PDS5B: variants seen among roughly 807,000 people sequenced by gnomAD.
The protein encoded by PDS5B is PDS5 cohesin associated factor B, also known as sister chromatid cohesion protein PDS5 homolog B.
PDS5B carries 51 observed loss-of-function variants against 184.1 expected under a neutral mutation model. That is an observed-to-expected ratio of 0.28 (90% CI 0.22 to 0.35). The LOEUF (loss-of-function observed/expected upper bound fraction) is 0.35, where lower values mean the gene tolerates loss of function less well. Ranked by LOEUF, PDS5B falls within the 10% of genes least tolerant of loss-of-function variation. The pLI, the probability that PDS5B is intolerant of heterozygous loss-of-function variation, is 1.00. For synonymous variants in PDS5B, 566 were observed against 569.2 expected, an observed-to-expected ratio of 0.99 and a Z score of 0.08; for missense variants, 1,180 against 1,723.3, an observed-to-expected ratio of 0.68 and a Z score of 5.58.
At position 32,694,290 on chromosome 13, in the gene PDS5B, A is replaced by G. The variant is rs1363503512; in HGVS notation, c.1537A>G (p.Ile513Val). ...TCAAGTAAAGGATTTGCTTGACTTG[A>G]TTAAGCAACCCAAAGTAAGTAAGAA... ...RHQVKDLLDL[I>V]KQPKTDASVK... The change falls in exon 14 of 35, where the codon ATT (isoleucine) becomes GTT (valine). Residue 513 changes from isoleucine to valine, a missense_variant. This residue lies in a region of PDS5B where 475 missense variants were observed against 691.5 expected (regional missense o/e 0.69). Coordinates refer to ENST00000315596, the MANE Select transcript of PDS5B (RefSeq NM_015032.4). 1 of 1,593,058 alleles carries G rather than the reference A, an allele frequency of 6.3e-7. No homozygotes were observed. Among genetic ancestry groups the G allele is most frequent in the Non-Finnish European group, 8.5e-7 (1 of 1,170,454 alleles).
chr13:32,751,055 T>C (rs972831970), intron 24 of PDS5B, among the ~76,000 whole-genome samples: 5 of 152,178 alleles, frequency 3.3e-5, no homozygotes, highest in South Asian at 4.1e-4. Context: ...AAGAAGGCTT[T>C]GGTGTCTGTT....
intron 25 of PDS5B, 116 bp from the exon 26 acceptor site, chr13:32,755,723 TATA>T (rs1355536316): frequency 1.8e-6 from 1 of 551,058 alleles, no homozygotes; most frequent in African/African-American, 1.9e-5. Flanking sequence ...ATGCAGAAAA[TATA>T]GTACGAAAGA....
At chr13:32,686,847 A>G (rs966945285) in intron 11 of PDS5B, among the ~76,000 whole-genome samples, 2 of 152,162 alleles carry the variant, frequency 1.3e-5, no homozygotes, top group Admixed American at 1.3e-4. Flanking sequence ...CAGTATGTAG[A>G]GTATGATTAG....
At chr13:32,689,665 C>T (rs1444395352) in intron 13 of PDS5B, 2 of 152,172 alleles carry the variant, frequency 1.3e-5, no homozygotes, top group East Asian at 1.9e-4. Context: ...AGCCAGGATT[C>T]GCACTCAATC....
chr13:32,644,683 G>A (rs1286083328), intron 1 of PDS5B, among the ~76,000 whole-genome samples: 1 of 152,024 alleles, frequency 6.6e-6, no homozygotes, highest in South Asian at 2.1e-4. Flanking sequence ...GGTGTTTATA[G>A]CATCCTACTT....
chr13:32,721,270 GC>G (rs912585021), intron 19 of PDS5B, among the ~76,000 whole-genome samples: 2 of 148,142 alleles, frequency 1.4e-5, no homozygotes, highest in Admixed American at 1.3e-4. Flanking sequence ...GGGCGGGGGC[GC>G]CCCCCACCTC....
chr13:32,650,092 T>A (rs971062422), intron 2 of PDS5B: 3 of 152,154 alleles, frequency 2.0e-5, no homozygotes, highest in African/African-American at 4.8e-5. Flanking sequence ...CTTTTAGAGA[T>A]GTTATTTTCT....
chr13:32,652,262 A>G (rs1950384562), intron 3 of PDS5B: 1 of 313,214 alleles, frequency 3.2e-6, no homozygotes, highest in Admixed American at 4.5e-5. Flanking sequence ...TGTTTCTTTC[A>G]TTATAATTTT....
chr13:32,616,300 C>T (rs898767448), intron 1 of PDS5B, among the ~76,000 whole-genome samples: 4 of 152,154 alleles, frequency 2.6e-5, no homozygotes, highest in African/African-American at 9.7e-5. Context: ...GGTGATCCAC[C>T]CGCCTTGGCC....
chr13:32,654,225 C>T lies in PDS5B; in HGVS notation c.312+2218C>T, dbSNP rs545277580. On this transcript the variant is annotated intron_variant, in intron 3 of 34. Transcript: ENST00000315596. ...ACTTCGTCTTGATTAGCGGCAAATT[C>T]GTATATCTGTATGTCTATATATTTT... is the stretch of plus-strand genomic sequence containing the variant. Among the ~76,000 whole-genome samples the T allele has an allele frequency of 2.0e-5, 3 of 152,200 alleles. No individual in the cohort carries two copies. The South Asian group carries it at 6.2e-4, about 32-fold the overall frequency.
Position 32,597,283 on chromosome 13 carries a change from T to G in PDS5B, c.-20+10690T>G, listed in dbSNP as rs907587174. ...GTGTTGAACTCCTAGGCTCAAGTGATCTTCCTGCCTCAGCCTCCCAAAGTG... is the reference window on the plus strand; with the variant it reads ...GTGTTGAACTCCTAGGCTCAAGTGAGCTTCCTGCCTCAGCCTCCCAAAGTG... On this transcript the variant is annotated intron_variant, in intron 1 of 34. Coordinates refer to ENST00000315596, the MANE Select transcript of PDS5B (RefSeq NM_015032.4). Among the ~76,000 whole-genome samples the G allele has an allele frequency of 2.6e-5, 4 of 151,570 alleles. 1 individual carries two copies. Among genetic ancestry groups the G allele is most frequent in the Non-Finnish European group, 5.9e-5 (4 of 67,934 alleles).
chr13:32,615,006 G>A (rs558218264), intron 1 of PDS5B, among the ~76,000 whole-genome samples: 20 of 152,166 alleles, frequency 1.3e-4, no homozygotes, highest in African/African-American at 3.6e-4. Context: ...AAGTGGACAG[G>A]TTTGTGAATT....
intron 7 of PDS5B, among the ~76,000 whole-genome samples, chr13:32,670,183 A>G (rs2140748689): frequency 6.6e-6 from 1 of 151,828 alleles, no homozygotes; most frequent in East Asian, 1.9e-4. Context: ...TTAAGAAATC[A>G]CTGTGGTGGT....
chr13:32,695,250 T>C (rs1021675859), intron 14 of PDS5B, among the ~76,000 whole-genome samples: 1 of 152,026 alleles, frequency 6.6e-6, no homozygotes, highest in Non-Finnish European at 1.5e-5. Context: ...TTTTGTTTTA[T>C]AGGTTAACAA....
chr13:32,686,707 C>T (rs950829058), intron 11 of PDS5B, among the ~76,000 whole-genome samples: 1 of 152,182 alleles, frequency 6.6e-6, no homozygotes, highest in African/African-American at 2.4e-5. Flanking sequence ...ATTGCTTGAG[C>T]CCAGTTGTTC....
chr13:32,603,760 T>C (rs560332160), intron 1 of PDS5B, among the ~76,000 whole-genome samples: 1 of 152,334 alleles, frequency 6.6e-6, no homozygotes, highest in Admixed American at 6.5e-5. Context: ...TTTATTTCGT[T>C]GAGCAGTGGT....
intron 21 of PDS5B, among the ~76,000 whole-genome samples, chr13:32,739,715 A>G (rs545503963): frequency 3.3e-5 from 5 of 152,062 alleles, no homozygotes; most frequent in Non-Finnish European, 7.4e-5. Context: ...GTTCTGGTTT[A>G]TTTTGATGTT....
At chr13:32,630,692 A>G (rs1004225412) in intron 1 of PDS5B, among the ~76,000 whole-genome samples, 4 of 151,962 alleles carry the variant, frequency 2.6e-5, no homozygotes, top group Non-Finnish European at 5.9e-5. Flanking sequence ...AGGTATTTGC[A>G]TGGTTTATCA....
In PDS5B at chr13:32,633,304, C is replaced by A. The variant is rs144431880; in HGVS notation, c.-19-15450C>A. 1.2e-3 allele frequency among the ~76,000 whole-genome samples: 188 copies of A among 152,144 alleles called. 1 individual carries two copies. The highest frequency in any genetic ancestry group is 4.4e-3 in the African/African-American group (181 of 41,486). On this transcript the variant is annotated intron_variant, in intron 1 of 34. Coordinates refer to ENST00000315596, the MANE Select transcript of PDS5B (RefSeq NM_015032.4). The stretch of plus-strand genomic sequence containing the variant: ...ATTGTACATTTATAAATGGTAGATT[C>A]TATGTTACATATATTTTACATAAAA...
Sources: gnomAD v4.1 joint callset for allele counts (sites outside exome capture counted in the v4.1 genomes callset) on GRCh38, gnomAD v4.1.1 for gene constraint, gnomAD v4.1.1 regional missense constraint, MANE v1.5 for transcripts, NCBI Gene and HGNC (gene_info 2026-07-23, HGNC 2026-07-21) for gene names.